TNFRSF21: variants seen among roughly 807,000 people sequenced by gnomAD.
TNFRSF21 encodes tumor necrosis factor receptor superfamily member 21.
TNFRSF21 carries 19 observed loss-of-function variants against 45.6 expected under a neutral mutation model. The observed-to-expected ratio is 0.42, with a 90% CI of 0.29 to 0.61. The LOEUF is 0.61. Among genes scored for constraint, TNFRSF21 ranks in the 20% least tolerant of loss-of-function variants. The probability of loss-of-function intolerance (pLI) is 0.23; values close to 1 mark genes in which losing one functional copy is unlikely to be tolerated. For missense variants in TNFRSF21, 737 were observed against 851.5 expected (o/e 0.87, Z 1.67); for synonymous variants, 314 against 335.5 (o/e 0.94, Z 0.70).
intron 4 of TNFRSF21, among the ~76,000 whole-genome samples, chr6:47,240,060 G>A (rs769932542): frequency 3.3e-4 from 50 of 152,120 alleles, no homozygotes; most frequent in Non-Finnish European, 5.9e-4. Flanking sequence ...TGCCCAGCCT[G>A]GATGCTCTTT....
At chr6:47,304,312 GTTTA>G (rs1762909648) in intron 1 of TNFRSF21, among the ~76,000 whole-genome samples, 1 of 151,024 alleles carries the variant, frequency 6.6e-6, no homozygotes, top group Non-Finnish European at 1.5e-5. Context: ...AAAAAAAGAT[GTTTA>G]TTTAAGGCAA....
intron 3 of TNFRSF21, among the ~76,000 whole-genome samples, chr6:47,274,948 T>C (rs530742410): frequency 6.6e-5 from 10 of 152,236 alleles, no homozygotes; most frequent in Non-Finnish European, 1.2e-4. Context: ...GATACCATCT[T>C]ACTCCAGTTA....
At chr6:47,279,367 C>T (rs1762537026) in intron 3 of TNFRSF21, among the ~76,000 whole-genome samples, 2 of 152,138 alleles carry the variant, frequency 1.3e-5, no homozygotes, top group South Asian at 4.1e-4. Context: ...TTCTCAGCTA[C>T]CCTGTTTTTC....
At chr6:47,233,364 CAAA>C (rs1265229260) in intron 5 of TNFRSF21, among the ~76,000 whole-genome samples, 1 of 152,008 alleles carries the variant, frequency 6.6e-6, no homozygotes, top group Non-Finnish European at 1.5e-5. Context: ...GAAACAAAAA[CAAA>C]AAACTAAAAA....
intron 1 of TNFRSF21, among the ~76,000 whole-genome samples, chr6:47,288,862 T>C (rs1343107292): frequency 2.6e-5 from 4 of 152,236 alleles, no homozygotes; most frequent in Admixed American, 2.6e-4. Context: ...ACAGAGTTGA[T>C]GCTTTCAGAT....
Position 47,232,862 on chromosome 6 carries a change from T to C in TNFRSF21, c.1871A>G (p.Lys624Arg), listed in dbSNP as rs530956337. 1.2e-6 allele frequency: 2 copies of C among 1,614,182 alleles called. No homozygotes were observed. Among genetic ancestry groups the C allele is most frequent in the South Asian group, 2.2e-5 (2 of 91,084 alleles). Residue 624 changes from lysine to arginine, a missense_variant, in exon 6 of 6, where the codon AAA becomes AGA. Transcript: ENST00000296861. ...VIEEIPQAEDKLDRLFEIIGV... is the reference protein window; with the variant it reads ...VIEEIPQAEDRLDRLFEIIGV... ...AATAATTTCGAATAGCCGGTCTAGT[T>C]TGTCCTCAGCCTGGGGAATCTCTTC...
intron 3 of TNFRSF21, among the ~76,000 whole-genome samples, chr6:47,279,851 A>G (rs1479917173): frequency 6.6e-6 from 1 of 152,204 alleles, no homozygotes; most frequent in Non-Finnish European, 1.5e-5. Flanking sequence ...GTCCCCAAAC[A>G]TATACCAACA....
chr6:47,273,324 G>T (rs1172266924), intron 3 of TNFRSF21, among the ~76,000 whole-genome samples: 1 of 152,182 alleles, frequency 6.6e-6, no homozygotes, highest in Admixed American at 6.5e-5. Context: ...CCATGATCAA[G>T]TCAGCTTCAT....
At chr6:47,257,870 G>A (rs894894244) in intron 3 of TNFRSF21, among the ~76,000 whole-genome samples, 1 of 152,164 alleles carries the variant, frequency 6.6e-6, no homozygotes, top group African/African-American at 2.4e-5. Context: ...ATCGCATGTT[G>A]GGGTTGGTGA....
In TNFRSF21 at chr6:47,253,390, C is replaced by G; in HGVS notation, c.1375G>C (p.Ala459Pro). 1 of 1,614,166 alleles carries G rather than the reference C, an allele frequency of 6.2e-7. No individual in the cohort carries two copies. The highest frequency in any genetic ancestry group is 8.5e-7 in the Non-Finnish European group (1 of 1,180,020). ...SNGYTADHER[A>P]YAALQHWTIR... Reference sequence around the variant, plus strand: ...GTCCAGTGCTGCAGAGCTGCGTAGGCCCGCTCGTGGTCGGCTGTGTACCCA... The same window carrying G: ...GTCCAGTGCTGCAGAGCTGCGTAGGGCCGCTCGTGGTCGGCTGTGTACCCA... The change falls in exon 4 of 6, where the codon GCC (alanine) becomes CCC (proline). Residue 459 changes from alanine (A) to proline (P), a missense_variant. Ala to Pro is a conservative substitution (Grantham distance 27). Coordinates refer to ENST00000296861, the MANE Select transcript of TNFRSF21 (RefSeq NM_014452.5).
intron 4 of TNFRSF21, among the ~76,000 whole-genome samples, chr6:47,236,337 C>T (rs971575255): frequency 6.6e-6 from 1 of 152,218 alleles, no homozygotes; most frequent in African/African-American, 2.4e-5. Flanking sequence ...TGGGCACTCT[C>T]CCCAAGCTGT....
chr6:47,237,007 T>C (rs1764673028), intron 4 of TNFRSF21, among the ~76,000 whole-genome samples: 1 of 152,204 alleles, frequency 6.6e-6, no homozygotes, highest in South Asian at 2.1e-4. Context: ...AAAGGTCCTA[T>C]TAGTAAAACT....
At chr6:47,287,307 CAAAAAAA>C (rs1164380285) in intron 1 of TNFRSF21, among the ~76,000 whole-genome samples, 47 of 20,868 alleles carry the variant, frequency 2.3e-3, no homozygotes, top group Admixed American at 6.0e-3. Context: ...AACTCTTTCT[CAAAAAAA>C]AAAAAAAAAA....
At chr6:47,261,167 A>G (rs962346371) in intron 3 of TNFRSF21, among the ~76,000 whole-genome samples, 2 of 152,200 alleles carry the variant, frequency 1.3e-5, no homozygotes, top group African/African-American at 4.8e-5. Context: ...AGCTGCAGAT[A>G]CAGGGACAGA....
chr6:47,286,650 G>A, intron 1 of TNFRSF21, 55 bp from the exon 2 acceptor site: 3 of 1,527,586 alleles, frequency 2.0e-6, no homozygotes, highest in Non-Finnish European at 2.6e-6. Context: ...ATGTTACATA[G>A]GAGCAGAGCA....
rs777253802 is a variant in TNFRSF21 at position 47,284,100 on chromosome 6, C to A, written c.1081G>T (p.Val361Leu). Residue 361 changes from valine (V) to leucine (L), a missense_variant, in exon 3 of 6, where the codon GTG becomes TTG. Transcript: ENST00000296861. ...CTGCACACCACAATCACCACAAGCA[C>A]CAGCAGCAGGAAAAGCACAATCATC... ...PWMIVLFLLL[V>L]LVVIVVCSIR... 1 of 1,614,208 alleles carries A rather than the reference C, an allele frequency of 6.2e-7. No homozygotes were observed. Among genetic ancestry groups the A allele is most frequent in the Non-Finnish European group, 8.5e-7 (1 of 1,180,042 alleles).
At chr6:47,291,576 T>C (rs1019110344) in intron 1 of TNFRSF21, among the ~76,000 whole-genome samples, 4 of 152,126 alleles carry the variant, frequency 2.6e-5, no homozygotes, top group Non-Finnish European at 5.9e-5. Context: ...GGTTTTCAAA[T>C]AGGACTTAAG....
chr6:47,260,830 T>C (rs1256801760), intron 3 of TNFRSF21, among the ~76,000 whole-genome samples: 5 of 152,274 alleles, frequency 3.3e-5, no homozygotes, highest in Admixed American at 3.3e-4. Context: ...TTTTTGATGG[T>C]ATCAAACTCA....
chr6:47,258,567 T>C (rs1765023015), intron 3 of TNFRSF21, among the ~76,000 whole-genome samples: 1 of 151,804 alleles, frequency 6.6e-6, no homozygotes, highest in Non-Finnish European at 1.5e-5. Flanking sequence ...TCAGCCTCCC[T>C]AGTACCTGGG....
Sources: gnomAD v4.1 joint callset for allele counts (sites outside exome capture counted in the v4.1 genomes callset) on GRCh38, gnomAD v4.1.1 for gene constraint, MANE v1.5 for transcripts, NCBI Gene and HGNC (gene_info 2026-07-23, HGNC 2026-07-21) for gene names.